The following LRRC53 variants were observed in gnomAD, a reference collection of about 807,000 sequenced individuals.
The protein encoded by LRRC53 is leucine rich repeat containing 53.
Under a neutral mutation model 13.6 loss-of-function variants are expected in LRRC53, and 25 were observed. The ratio of observed to expected loss-of-function variants is 1.83; its 90% CI spans 1.34 to 2.56. The LOEUF is 2.56. Ranked by LOEUF, LRRC53 falls within the 30% of genes most tolerant of loss-of-function variation. LRRC53 has a pLI of 0.00. For synonymous variants in LRRC53, 204 were observed against 109.8 expected, an observed-to-expected ratio of 1.86 and a Z score of -5.37; for missense variants, 527 against 275.8, an observed-to-expected ratio of 1.91 and a Z score of -6.45.
At chr1:74,530,731 T>A in the LRRC53 span, among the ~76,000 whole-genome samples, 2 of 151,932 alleles carry the variant, frequency 1.3e-5, no homozygotes, top group African/African-American at 4.8e-5. Flanking sequence ...AAGTTTTTTT[T>A]TTTTTTTTCC....
At chr1:74,506,702 C>T (rs1034857841) in intron 1 of LRRC53, among the ~76,000 whole-genome samples, 5 of 152,156 alleles carry the variant, frequency 3.3e-5, no homozygotes, top group East Asian at 1.9e-4. Flanking sequence ...TTTTAACAGG[C>T]GACTTGCAAA....
intron 4 of LRRC53, among the ~76,000 whole-genome samples, chr1:74,473,476 T>G (rs914024090): frequency 1.3e-5 from 2 of 152,130 alleles, no homozygotes; most frequent in African/African-American, 4.8e-5. Flanking sequence ...AAATCTTAAC[T>G]GCAAAACATC....
chr1:74,513,944 G>C (rs1407387706), upstream of LRRC53, among the ~76,000 whole-genome samples: 1 of 152,132 alleles, frequency 6.6e-6, no homozygotes, highest in East Asian at 1.9e-4. Flanking sequence ...ATAGACTAAG[G>C]GGAGTAAATA....
chr1:74,479,244 C>G (rs773678893), intron 3 of LRRC53, among the ~76,000 whole-genome samples: 1 of 152,112 alleles, frequency 6.6e-6, no homozygotes, highest in Non-Finnish European at 1.5e-5. Context: ...ACACACACAT[C>G]GAGCTAGATA....
At chr1:74,519,984 C>T in the LRRC53 span, among the ~76,000 whole-genome samples, 1 of 152,064 alleles carries the variant, frequency 6.6e-6, no homozygotes, top group African/African-American at 2.4e-5. Context: ...TGGGATCTTG[C>T]CCAAGCTCAT....
chr1:74,480,048 C>A, intron 3 of LRRC53, 105 bp downstream of exon 3: 1 of 618,150 alleles, frequency 1.6e-6, no homozygotes, highest in Non-Finnish European at 2.9e-6. Flanking sequence ...CCTCTCCTTT[C>A]CATAGCCCTG....
chr1:74,515,167 G>C (rs2100393830), upstream of LRRC53, among the ~76,000 whole-genome samples: 1 of 152,230 alleles, frequency 6.6e-6, no homozygotes, highest in Admixed American at 6.5e-5. Flanking sequence ...ATACATTTCT[G>C]TTGTTTGAAG....
Position 74,472,163 on chromosome 1 carries a change from G to T in LRRC53, c.1459C>A (p.Pro487Thr), listed in dbSNP as rs61729310. 5.6e-3 allele frequency: 3,986 copies of T among 717,018 alleles called. 23 individuals carry two copies. The highest frequency in any genetic ancestry group is 7.9e-3 in the Non-Finnish European group (3,044 of 384,740). The allele number at this position is 717,018 out of a possible 1,614,324, so 44.4% of individuals were successfully genotyped here. The change falls in exon 5 of 5, where the codon CCC becomes ACC. Residue 487 changes from proline (P) to threonine (T), a missense_variant. Coordinates refer to ENST00000294635, the MANE Select transcript of LRRC53 (RefSeq NM_001382280.1). Reference protein sequence around the residue: ...SDIFRRRYATPASALAGESLE... With the variant: ...SDIFRRRYATTASALAGESLE... ...CTTTCTCCTGCCAAGGCTGAAGCGG[G>T]TGTTGCATATCTTCTTCTAAATATG...
chr1:74,524,555 A>G, the LRRC53 span, among the ~76,000 whole-genome samples: 7 of 152,250 alleles, frequency 4.6e-5, no homozygotes, highest in Middle Eastern at 3.2e-3. Flanking sequence ...AATGATGCTC[A>G]TAAAAGATTT....
intron 3 of LRRC53, among the ~76,000 whole-genome samples, chr1:74,479,082 A>C (rs956812956): frequency 6.6e-6 from 1 of 152,186 alleles, no homozygotes; most frequent in Non-Finnish European, 1.5e-5. Context: ...ACTGTTACAG[A>C]ATAATGATTT....
the LRRC53 span, among the ~76,000 whole-genome samples, chr1:74,518,873 C>CTTTTTTTTTTTTTTTTTTT: frequency 1.0e-5 from 1 of 100,358 alleles, no homozygotes; most frequent in African/African-American, 5.2e-5. Context: ...TTTTTTTTCC[C>CTTTTTTTTTTTTTTTTTTT]CTTTTTTTTT....
intron 1 of LRRC53, among the ~76,000 whole-genome samples, chr1:74,505,018 C>G (rs1166273509): frequency 6.6e-6 from 1 of 152,190 alleles, no homozygotes; most frequent in African/African-American, 2.4e-5. Context: ...ATTGGGACAA[C>G]GAATGGCCTG....
At chr1:74,486,893 T>C (rs1314856701) in intron 1 of LRRC53, among the ~76,000 whole-genome samples, 1 of 152,160 alleles carries the variant, frequency 6.6e-6, no homozygotes, top group Non-Finnish European at 1.5e-5. Flanking sequence ...TTTAATGCTA[T>C]GCCAAGTGAA....
intron 1 of LRRC53, among the ~76,000 whole-genome samples, chr1:74,498,963 G>A (rs1229740995): frequency 6.6e-6 from 1 of 152,094 alleles, no homozygotes; most frequent in Non-Finnish European, 1.5e-5. Context: ...TGAAATAAAA[G>A]CAAAACATAA....
At chr1:74,520,164 T>C in the LRRC53 span, among the ~76,000 whole-genome samples, 2 of 17,372 alleles carry the variant, frequency 1.2e-4, no homozygotes, top group East Asian at 1.9e-3. Flanking sequence ...TTCCACCCTT[T>C]CCCCGATTCC....
At chr1:74,501,500 G>GTTTT (rs1157203088) in intron 1 of LRRC53, among the ~76,000 whole-genome samples, 1 of 146,612 alleles carries the variant, frequency 6.8e-6, no homozygotes, top group African/African-American at 2.7e-5. Flanking sequence ...TTGTTTGTTT[G>GTTTT]TTTGTTTTTT....
At chr1:74,502,888 T>C (rs1476360477) in intron 1 of LRRC53, among the ~76,000 whole-genome samples, 1 of 149,450 alleles carries the variant, frequency 6.7e-6, no homozygotes, top group African/African-American at 2.6e-5. Flanking sequence ...CCAAACAGCC[T>C]CACTCTCTGA....
intron 1 of LRRC53, among the ~76,000 whole-genome samples, chr1:74,508,951 T>C (rs1352078678): frequency 1.3e-5 from 2 of 152,204 alleles, no homozygotes; most frequent in Admixed American, 6.5e-5. Context: ...GAGAAACTTA[T>C]GTTGTTTTGT....
intron 1 of LRRC53, among the ~76,000 whole-genome samples, chr1:74,505,720 C>G (rs1262243822): frequency 1.3e-5 from 2 of 152,086 alleles, no homozygotes; most frequent in African/African-American, 4.8e-5. Flanking sequence ...CTCCTTGGAA[C>G]CTATGAGATG....
Sources: gnomAD v4.1 joint callset for allele counts (sites outside exome capture counted in the v4.1 genomes callset) on GRCh38, gnomAD v4.1.1 for gene constraint, MANE v1.5 for transcripts, NCBI Gene and HGNC (gene_info 2026-07-23, HGNC 2026-07-21) for gene names.